The following SORCS3 variants were observed in gnomAD, a reference collection of about 807,000 sequenced individuals.
SORCS3 encodes VPS10 domain-containing receptor SorCS3.
A neutral mutation model predicts 146.3 loss-of-function variants in SORCS3; 57 were observed. That is an observed-to-expected ratio of 0.39 (90% CI 0.31 to 0.49). SORCS3 has a LOEUF of 0.49. Ranked by LOEUF, SORCS3 falls within the 20% of genes least tolerant of loss-of-function variation. The pLI is 0.92. For missense variants in SORCS3, 1,341 were observed against 1,575.5 expected, an observed-to-expected ratio of 0.85 and a Z score of 2.52; for synonymous variants, 653 against 618.5, an observed-to-expected ratio of 1.06 and a Z score of -0.83.
At chr10:105,229,328 T>G (rs925945636) in intron 20 of SORCS3, among the ~76,000 whole-genome samples, 1 of 152,160 alleles carries the variant, frequency 6.6e-6, no homozygotes. Context: ...TATTTTGAAT[T>G]CCTTTTCTTG....
chr10:104,921,061 A>G (rs1428308750), intron 3 of SORCS3, among the ~76,000 whole-genome samples: 1 of 152,230 alleles, frequency 6.6e-6, no homozygotes, highest in African/African-American at 2.4e-5. Context: ...AAGAGAGTGT[A>G]TGGTTTGCCT....
intron 23 of SORCS3, among the ~76,000 whole-genome samples, chr10:105,254,570 G>A (rs1380219582): frequency 6.6e-6 from 1 of 152,230 alleles, no homozygotes; most frequent in Non-Finnish European, 1.5e-5. Flanking sequence ...AAGTCCTGCA[G>A]TTGGCCCTGC....
At chr10:105,173,014 A>G (rs2056372198) in intron 13 of SORCS3, among the ~76,000 whole-genome samples, 2 of 152,140 alleles carry the variant, frequency 1.3e-5, no homozygotes, top group South Asian at 4.1e-4. Context: ...CTGTCTTATA[A>G]ATGACTTCCA....
chr10:104,761,352 T>C (rs1164643495), intron 1 of SORCS3, among the ~76,000 whole-genome samples: 2 of 152,010 alleles, frequency 1.3e-5, no homozygotes, highest in Non-Finnish European at 2.9e-5. Context: ...TCGCTCCAGA[T>C]ACAGGAATGA....
At chr10:104,815,856 C>G (rs1262343793) in intron 1 of SORCS3, among the ~76,000 whole-genome samples, 1 of 152,152 alleles carries the variant, frequency 6.6e-6, no homozygotes, top group Non-Finnish European at 1.5e-5. Flanking sequence ...TTAATAACTT[C>G]TGTATATTCA....
intron 3 of SORCS3, among the ~76,000 whole-genome samples, chr10:104,962,048 A>G (rs2054798841): frequency 6.6e-6 from 1 of 151,990 alleles, no homozygotes; most frequent in African/African-American, 2.4e-5. Flanking sequence ...TAAATTTCAA[A>G]TATATTTAAA....
intron 4 of SORCS3, among the ~76,000 whole-genome samples, chr10:105,008,037 C>G (rs992037702): frequency 6.6e-6 from 1 of 152,112 alleles, no homozygotes; most frequent in Admixed American, 6.5e-5. Context: ...AAAGAAATTG[C>G]TGGCCTGGCA....
At chr10:105,072,345 A>G (rs2055562085) in intron 5 of SORCS3, among the ~76,000 whole-genome samples, 1 of 152,182 alleles carries the variant, frequency 6.6e-6, no homozygotes, top group African/African-American at 2.4e-5. Flanking sequence ...AAAAGCGCCT[A>G]TTAAGTGATC....
intron 22 of SORCS3, among the ~76,000 whole-genome samples, chr10:105,251,178 C>T (rs1013072860): frequency 2.0e-4 from 31 of 152,252 alleles, no homozygotes; most frequent in African/African-American, 7.5e-4. Context: ...GGGGAGGCCT[C>T]AGGAAACTTA....
rs778287904 is a variant in SORCS3 at position 104,977,364 on chromosome 10, G to A, written c.825G>A (p.Glu275=). 6 of 1,613,324 alleles carry A rather than the reference G, an allele frequency of 3.7e-6. No individual in the cohort carries two copies. The highest frequency in any genetic ancestry group is 3.4e-6 in the Non-Finnish European group (4 of 1,179,614). The change falls in exon 4 of 27, where the codon GAG becomes GAA. Residue 275 remains glutamate (E), a synonymous_variant. Transcript: ENST00000369701. ...TGCTTCTCAGTGATCCTGAGATGGA[G>A]AGCAGCATATTGATCAGCTCAGACG... ...KIMLLSDPEM[E]SSILISSDEG... is the part of the protein sequence containing the mutation.
chr10:105,187,789 G>A (rs920408040), intron 14 of SORCS3, among the ~76,000 whole-genome samples: 2 of 152,122 alleles, frequency 1.3e-5, no homozygotes, highest in Non-Finnish European at 2.9e-5. Context: ...TTACTACAAG[G>A]CAGGCACTGT....
At chr10:105,163,072 C>A (rs2056280334) in intron 11 of SORCS3, among the ~76,000 whole-genome samples, 1 of 152,078 alleles carries the variant, frequency 6.6e-6, no homozygotes, top group Non-Finnish European at 1.5e-5. Flanking sequence ...GATCTACTCA[C>A]CAAGCCTCTC....
intron 14 of SORCS3, among the ~76,000 whole-genome samples, chr10:105,185,840 C>A (rs2056472181): frequency 6.6e-6 from 1 of 152,140 alleles, no homozygotes. Flanking sequence ...CTTATGTATT[C>A]ATAGAAATAT....
intron 4 of SORCS3, among the ~76,000 whole-genome samples, chr10:104,983,640 T>C (rs886975663): frequency 6.6e-6 from 1 of 152,160 alleles, no homozygotes. Context: ...CTTGTCTTTA[T>C]GTACGTGCTG....
chr10:104,770,165 C>T (rs541035167), intron 1 of SORCS3, among the ~76,000 whole-genome samples: 37 of 152,284 alleles, frequency 2.4e-4, no homozygotes, highest in South Asian at 1.7e-3. Context: ...ACGTGAGGAA[C>T]AAATCTGGAT....
At chr10:105,107,437 A>G (rs369471916) in intron 7 of SORCS3, among the ~76,000 whole-genome samples, 6 of 152,126 alleles carry the variant, frequency 3.9e-5, no homozygotes, top group African/African-American at 1.2e-4. Context: ...AGAATGTAAA[A>G]TGTTCAGACT....
At chr10:104,729,288 A>G (rs1341466479) in intron 1 of SORCS3, among the ~76,000 whole-genome samples, 1 of 152,214 alleles carries the variant, frequency 6.6e-6, no homozygotes, top group African/African-American at 2.4e-5. Flanking sequence ...AAGTCTCTCT[A>G]GATTACCCCA....
intron 5 of SORCS3, among the ~76,000 whole-genome samples, chr10:105,045,762 T>C (rs918420301): frequency 1.3e-5 from 2 of 152,180 alleles, no homozygotes; most frequent in African/African-American, 4.8e-5. Context: ...GTCAATTTCA[T>C]AAGGTTATTG....
chr10:105,213,869 A>AG (rs1474633734), intron 17 of SORCS3, among the ~76,000 whole-genome samples: 1 of 151,688 alleles, frequency 6.6e-6, no homozygotes, highest in Non-Finnish European at 1.5e-5. Flanking sequence ...CAAGGAGAAA[A>AG]AAAATGTGCT....
Sources: allele counts gnomAD v4.1 joint callset (sites outside exome capture counted in the v4.1 genomes callset), GRCh38; gene constraint gnomAD v4.1.1; transcripts MANE v1.5; gene names NCBI Gene and HGNC (gene_info 2026-07-23, HGNC 2026-07-21).